Variants in SPTBN4 observed in about 807,000 individuals in gnomAD.
SPTBN4 encodes spectrin beta chain, non-erythrocytic 4.
In SPTBN4, 96 loss-of-function variants were observed where a neutral mutation model predicts 277.8. The ratio of observed to expected loss-of-function variants is 0.35; its 90% confidence interval spans 0.29 to 0.41. SPTBN4 has a LOEUF of 0.41. SPTBN4 is among the 10% of genes least tolerant of loss of function. The pLI is 1.00. For synonymous variants in SPTBN4, 1,481 were observed against 1,580.3 expected (o/e 0.94, Z 1.49); for missense variants, 3,006 against 3,595.7 (o/e 0.84, Z 4.19).
chr19:40,470,350 A>G lies in SPTBN4; in HGVS notation c.-15-2257A>G, dbSNP rs183210994. ...AGATGGTGTCTCGCCCTGTTGCCCA[A>G]GCCGGAGTGCAGTGGTGCCATCTTG... is the stretch of plus-strand genomic sequence containing the variant. On this transcript the variant is annotated intron_variant, in intron 1 of 35. Coordinates refer to ENST00000598249, the MANE Select transcript of SPTBN4 (RefSeq NM_020971.3). Among the ~76,000 whole-genome samples the G allele has an allele frequency of 2.3e-3, 346 of 151,470 alleles. 2 individuals carry two copies. The highest frequency in any genetic ancestry group is 8.2e-3 in the African/African-American group (339 of 41,212).
At chr19:40,566,024 TGCCATTCCTGCAGA>T in intron 29 of SPTBN4, 125 bp from the exon 30 acceptor site, 1 of 899,414 alleles carries the variant, frequency 1.1e-6, no homozygotes, top group Non-Finnish European at 1.7e-6. Context: ...CCCCAGCCTC[TGCCATTCCTGCAGA>T]GCCCAGGATG....
At position 40,565,708 on chromosome 19, in the gene SPTBN4, G is replaced by C. The variant is rs200250828; in HGVS notation, c.6102G>C (p.Ser2034=). ...TGGGAACCAGGAAGGAGGAGGTGTCGGAAAAGTGGGACCGCCATTGGGAGT... is the reference window on the plus strand; with the variant it reads ...TGGGAACCAGGAAGGAGGAGGTGTCCGAAAAGTGGGACCGCCATTGGGAGT... ...DKLGTRKEEV[S]EKWDRHWEWL... The change falls in exon 29 of 36, where the codon TCG becomes TCC. Residue 2034 remains serine (S), a synonymous_variant. Transcript: ENST00000598249. 1 of 1,553,778 alleles carries C rather than the reference G, an allele frequency of 6.4e-7. No homozygotes were observed. The highest frequency in any genetic ancestry group is 1.4e-5 in the African/African-American group (1 of 73,142).
chr19:40,548,671 C>T (rs931239804), intron 20 of SPTBN4, among the ~76,000 whole-genome samples: 1 of 151,236 alleles, frequency 6.6e-6, no homozygotes, highest in East Asian at 1.9e-4. Context: ...GCCAAGATTA[C>T]GCCATTGCAC....
In SPTBN4 at chr19:40,549,171, C is replaced by T. The variant is rs765322233; in HGVS notation, c.4360-18C>T. 20 of 1,531,180 alleles carry T rather than the reference C, an allele frequency of 1.3e-5. No individual in the cohort carries two copies. In the African/African-American group the frequency reaches 2.2e-4, roughly 17 times the overall value. 94.8% of individuals were successfully genotyped at this position (1,531,180 alleles called of 1,614,324 possible). A position where few individuals can be genotyped will look rare whatever the true frequency, so the allele number is the denominator to read the frequency against. On this transcript the variant is annotated intron_variant, in intron 20 of 35. Coordinates refer to ENST00000598249, the MANE Select transcript of SPTBN4 (RefSeq NM_020971.3). ...GGAGGGCGGGTGGGGCCCATTGACC[C>T]TGCCTCTGTCCCCACAGTCCATGGA...
chr19:40,538,254 TG>T (rs2080760433), intron 20 of SPTBN4, among the ~76,000 whole-genome samples: 1 of 152,016 alleles, frequency 6.6e-6, no homozygotes, highest in Non-Finnish European at 1.5e-5. Flanking sequence ...CCGAACGTGG[TG>T]GCACATGCCT....
chr19:40,493,635 G>C (rs957606101), intron 5 of SPTBN4, among the ~76,000 whole-genome samples: 2 of 151,548 alleles, frequency 1.3e-5, no homozygotes, highest in African/African-American at 4.8e-5. Flanking sequence ...GAGATGGGAG[G>C]ATCATTTGAG....
intron 20 of SPTBN4, among the ~76,000 whole-genome samples, chr19:40,540,198 A>T (rs1175377785): frequency 1.3e-5 from 2 of 152,134 alleles, no homozygotes; most frequent in Non-Finnish European, 2.9e-5. Flanking sequence ...AAGTGCTGGG[A>T]TAATAGGCAT....
chr19:40,571,837 A>G (rs2081158059), intron 33 of SPTBN4, 182 bp from the exon 34 acceptor site: 2 of 551,452 alleles, frequency 3.6e-6, no homozygotes, highest in Admixed American at 2.9e-5. Context: ...AGAGACTTAA[A>G]TGCTCCCCTC....
intron 27 of SPTBN4, 133 bp from the exon 28 acceptor site, chr19:40,565,290 A>G (rs1000817562): frequency 2.5e-6 from 3 of 1,182,988 alleles, no homozygotes; most frequent in Admixed American, 2.4e-5. Flanking sequence ...AGAAAAGAAA[A>G]GAAAAGAAAG....
chr19:40,545,001 GT>G (rs1057346731), intron 20 of SPTBN4, among the ~76,000 whole-genome samples: 1 of 151,228 alleles, frequency 6.6e-6, no homozygotes, highest in African/African-American at 2.4e-5. Flanking sequence ...GTTGCTTCCA[GT>G]TTTTTCCCAT....
At chr19:40,484,047 C>G (rs758100062) in intron 2 of SPTBN4, among the ~76,000 whole-genome samples, 2 of 151,902 alleles carry the variant, frequency 1.3e-5, no homozygotes, top group Non-Finnish European at 2.9e-5. Context: ...TCACCGCACT[C>G]CAGCCTGGAT....
intron 17 of SPTBN4, among the ~76,000 whole-genome samples, chr19:40,525,066 G>T (rs1325091592): frequency 6.6e-6 from 1 of 152,022 alleles, no homozygotes; most frequent in Non-Finnish European, 1.5e-5. Context: ...AGGCCAGAAG[G>T]GGACCCAGTA....
chr19:40,501,847 C>T (rs1299402781), intron 7 of SPTBN4, 74 bp from the exon 8 acceptor site: 3 of 1,256,852 alleles, frequency 2.4e-6, no homozygotes, highest in Non-Finnish European at 3.5e-6. Flanking sequence ...GCTTCTCCAT[C>T]CCTCCATCCA....
chr19:40,506,848 G>A (rs570822682), intron 13 of SPTBN4, among the ~76,000 whole-genome samples: 36 of 152,184 alleles, frequency 2.4e-4, no homozygotes, highest in African/African-American at 7.7e-4. Context: ...AGCCAGGCAC[G>A]GTGATACAAG....
rs1014309801 is a variant in SPTBN4 at position 40,515,720 on chromosome 19, T to C, written c.2903+272T>C. On this transcript the variant is annotated intron_variant, in intron 15 of 35. Coordinates refer to ENST00000598249, the MANE Select transcript of SPTBN4 (RefSeq NM_020971.3). The surrounding 1 kb of genome is among the most constrained non-coding windows in gnomAD (Gnocchi z 4.1). ...AGTATTCCCAAGCACTTTATATACC[T>C]TTCTAAAGTATCCCAACATTCTTCC... Among the ~76,000 whole-genome samples the C allele has an allele frequency of 1.3e-5, 2 of 152,048 alleles. No individual in the cohort carries two copies. Among genetic ancestry groups the C allele is most frequent in the Non-Finnish European group, 2.9e-5 (2 of 68,018 alleles).
In SPTBN4 at chr19:40,512,868, C is replaced by T; in HGVS notation, c.2079C>T (p.Ser693=). 2 of 1,448,666 alleles carry T rather than the reference C, an allele frequency of 1.4e-6. No individual in the cohort carries two copies. Among genetic ancestry groups the T allele is most frequent in the Non-Finnish European group, 1.8e-6 (2 of 1,113,084 alleles). 89.7% of individuals were successfully genotyped at this position (1,448,666 alleles called of 1,614,324 possible). A position where few individuals can be genotyped will look rare whatever the true frequency, so the allele number is the denominator to read the frequency against. ...CGGGCGGCGCGCATGACCTGTCCAGCACAGCGCGCCTCCTGGCCCAGCACA... is the reference window on the plus strand; with the variant it reads ...CGGGCGGCGCGCATGACCTGTCCAGTACAGCGCGCCTCCTGGCCCAGCACA... ...GTAGGAHDLS[S]TARLLAQHKI... Residue 693 remains serine (S), a synonymous_variant, in exon 14 of 36, where the codon AGC becomes AGT. Coordinates refer to ENST00000598249, the MANE Select transcript of SPTBN4 (RefSeq NM_020971.3).
Position 40,502,544 on chromosome 19 carries a change from C to G in SPTBN4, c.1203+37C>G. 1 of 1,573,306 alleles carries G rather than the reference C, an allele frequency of 6.4e-7. No individual in the cohort carries two copies. Among genetic ancestry groups the G allele is most frequent in the Non-Finnish European group, 8.6e-7 (1 of 1,158,944 alleles). On this transcript the variant is annotated intron_variant, in intron 10 of 35. Transcript: ENST00000598249. The surrounding 1 kb of genome is among the most constrained non-coding windows in gnomAD (Gnocchi z 4.9). ...GATGCAGGGGAGAGGCGGGGTTGCACTGTGGAGTTGTATAGGTTGCACACT... is the reference window on the plus strand; with the variant it reads ...GATGCAGGGGAGAGGCGGGGTTGCAGTGTGGAGTTGTATAGGTTGCACACT...
Position 40,566,340 on chromosome 19 carries a change from C to T in SPTBN4, c.6317C>T (p.Ser2106Phe), listed in dbSNP as rs1253899691. The T allele has an allele frequency of 1.3e-6, 2 of 1,574,260 alleles. No individual in the cohort carries two copies. Among genetic ancestry groups the T allele is most frequent in the Non-Finnish European group, 1.7e-6 (2 of 1,160,572 alleles). The part of the protein sequence containing the change: ...AAAAWEERFS[S>F]LRRLTTIEKI... The stretch of plus-strand genomic sequence containing the variant: ...GCAGCCTGGGAAGAGAGGTTCAGCT[C>T]TCTGCGGCGCCTGACCACGGTCAGC... Residue 2106 changes from serine (S) to phenylalanine (F), a missense_variant, in exon 30 of 36, where the codon TCT (serine) becomes TTT (phenylalanine). Ser to Phe is a radical substitution (Grantham distance 155). This residue lies in a region of SPTBN4 where 630 missense variants were observed against 677.6 expected (regional missense o/e 0.93). Coordinates refer to ENST00000598249, the MANE Select transcript of SPTBN4 (RefSeq NM_020971.3).
chr19:40,473,367 T>C (rs1284530022), intron 2 of SPTBN4, among the ~76,000 whole-genome samples: 3 of 145,760 alleles, frequency 2.1e-5, no homozygotes, highest in African/African-American at 7.6e-5. Context: ...TTTTTTTTTT[T>C]TTTTTTTGAG....
Sources: gnomAD v4.1 joint callset for allele counts (sites outside exome capture counted in the v4.1 genomes callset) on GRCh38, gnomAD v4.1.1 for gene constraint, gnomAD v4.1.1 regional missense constraint, Gnocchi (gnomAD v3.1) non-coding constraint, MANE v1.5 for transcripts, NCBI Gene and HGNC (gene_info 2026-07-23, HGNC 2026-07-21) for gene names.